Variants in AGBL1 observed in about 807,000 individuals in gnomAD.
The protein encoded by AGBL1 is AGBL carboxypeptidase 1, also known as cytosolic carboxypeptidase 4.
Under a neutral mutation model 118.9 loss-of-function variants are expected in AGBL1, and 130 were observed. The ratio of observed to expected loss-of-function variants is 1.09; its 90% CI spans 0.95 to 1.26. The LOEUF is 1.26. Among genes scored for constraint, AGBL1 ranks in the 50% most tolerant of loss-of-function variants. AGBL1 has a pLI of 0.00. For missense variants in AGBL1, 1,584 were observed against 1,298.1 expected (o/e 1.22, Z -3.38); for synonymous variants, 555 against 478.9 (o/e 1.16, Z -2.08).
At chr15:86,446,666 C>T (rs975152826) in intron 18 of AGBL1, among the ~76,000 whole-genome samples, 8 of 152,258 alleles carry the variant, frequency 5.3e-5, no homozygotes, top group East Asian at 3.9e-4. Flanking sequence ...GGATAGATTT[C>T]GACTCCCCTT....
chr15:87,022,956 A>C (rs1424063517), intron 24 of AGBL1, among the ~76,000 whole-genome samples: 1 of 152,060 alleles, frequency 6.6e-6, no homozygotes, highest in Non-Finnish European at 1.5e-5. Context: ...ACTGCTTTTC[A>C]AAAAGTGCTC....
At chr15:86,467,481 G>C (rs1430662337) in intron 18 of AGBL1, among the ~76,000 whole-genome samples, 1 of 152,184 alleles carries the variant, frequency 6.6e-6, no homozygotes, top group Admixed American at 6.5e-5. Context: ...GGCAGTGAAA[G>C]GTTCTCTCTC....
rs181209973 is a variant in AGBL1 at position 86,338,828 on chromosome 15, G to A, written c.2374+43420G>A. Among the ~76,000 whole-genome samples the A allele has an allele frequency of 3.5e-3, 539 of 152,230 alleles. 1 individual carries two copies. Among genetic ancestry groups the A allele is most frequent in the Non-Finnish European group, 5.7e-3 (388 of 68,016 alleles). Reference sequence around the variant, plus strand: ...CCATTGAAAAAGAGTCGTGAGAGTGGATCTCCTTGCTCTGCTCTCAATGCT... The same window carrying A: ...CCATTGAAAAAGAGTCGTGAGAGTGAATCTCCTTGCTCTGCTCTCAATGCT... On this transcript the variant is annotated intron_variant, in intron 17 of 22. Transcript: ENST00000614907.
At chr15:86,553,300 A>G (rs959369074) in intron 20 of AGBL1, among the ~76,000 whole-genome samples, 1 of 152,164 alleles carries the variant, frequency 6.6e-6, no homozygotes, top group Non-Finnish European at 1.5e-5. Flanking sequence ...ATCAACTCTG[A>G]GTCATTGTCC....
rs566435420 is a variant in AGBL1, at chr15:86,103,399, G to A, written c.51+23376G>A. 3.9e-5 allele frequency among the ~76,000 whole-genome samples: 6 copies of A among 152,056 alleles called. 1 individual carries two copies. The South Asian group carries it at 1.2e-3, about 32-fold the overall frequency. ...AGAGAATTATTATCTTTTTTTGGAGGTGTCGTGTTTCCTTGCTTTTTCATG... is the reference window on the plus strand; with the variant it reads ...AGAGAATTATTATCTTTTTTTGGAGATGTCGTGTTTCCTTGCTTTTTCATG... On this transcript the variant is annotated intron_variant, in intron 1 of 22. Transcript: ENST00000614907.
chr15:86,491,599 G>A (rs2082779817), intron 18 of AGBL1, among the ~76,000 whole-genome samples: 1 of 152,078 alleles, frequency 6.6e-6, no homozygotes, highest in Admixed American at 6.5e-5. Context: ...GACTAGATCT[G>A]TGACAGAAGG....
At chr15:86,636,343 CAAAG>C (rs1266850853) in intron 21 of AGBL1, among the ~76,000 whole-genome samples, 2 of 152,078 alleles carry the variant, frequency 1.3e-5, no homozygotes, top group East Asian at 1.9e-4. Context: ...GATGTCTAGT[CAAAG>C]AAGTCCATTT....
chr15:86,126,978 G>A (rs762938479), intron 1 of AGBL1, among the ~76,000 whole-genome samples: 6 of 152,158 alleles, frequency 3.9e-5, no homozygotes, highest in Non-Finnish European at 5.9e-5. Flanking sequence ...GGTCCAATGA[G>A]CTCATGATAT....
chr15:86,359,856 A>G (rs1385981628), intron 17 of AGBL1, among the ~76,000 whole-genome samples: 2 of 151,546 alleles, frequency 1.3e-5, no homozygotes, highest in East Asian at 3.9e-4. Flanking sequence ...CTTTTCAGAT[A>G]CTTTGTTTTT....
chr15:86,110,548 G>C (rs111491688), intron 1 of AGBL1, among the ~76,000 whole-genome samples: 3,429 of 152,192 alleles, frequency 0.023, 134 homozygotes, highest in African/African-American at 0.078. Context: ...TGCTGTCTCA[G>C]GGGTGGCAGA....
intron 21 of AGBL1, among the ~76,000 whole-genome samples, chr15:86,612,847 G>A (rs1262376762): frequency 6.6e-6 from 1 of 152,100 alleles, no homozygotes; most frequent in Non-Finnish European, 1.5e-5. Context: ...AAGAACCTTG[G>A]CTTCTGCAAT....
chr15:86,891,579 GA>G (rs11339441), intron 22 of AGBL1, among the ~76,000 whole-genome samples: 9,891 of 137,982 alleles, frequency 0.072, 375 homozygotes, highest in Middle Eastern at 0.1. Context: ...AAATAATGAG[GA>G]AAAAAAAAAA....
chr15:86,169,228 C>T (rs2077382444), intron 5 of AGBL1, among the ~76,000 whole-genome samples: 1 of 152,138 alleles, frequency 6.6e-6, no homozygotes, highest in African/African-American at 2.4e-5. Context: ...AAGAAAGCTG[C>T]ACAGAAGGAA....
At chr15:87,016,013 T>C (rs990528639) in intron 24 of AGBL1, among the ~76,000 whole-genome samples, 5 of 152,210 alleles carry the variant, frequency 3.3e-5, no homozygotes, top group Non-Finnish European at 7.3e-5. Flanking sequence ...CTTGATGTTA[T>C]CTGAGCTAAT....
chr15:86,875,550 C>A (rs1049160729), intron 22 of AGBL1, among the ~76,000 whole-genome samples: 4 of 152,220 alleles, frequency 2.6e-5, no homozygotes, highest in Non-Finnish European at 4.4e-5. Flanking sequence ...TTAATGCTTA[C>A]TGGCCTACAG....
At chr15:86,357,999 T>C (rs1005062079) in intron 17 of AGBL1, among the ~76,000 whole-genome samples, 1 of 152,118 alleles carries the variant, frequency 6.6e-6, no homozygotes, top group Non-Finnish European at 1.5e-5. Flanking sequence ...TTAATATATC[T>C]ATCACCTCAC....
At chr15:86,114,000 T>C (rs756107062) in intron 1 of AGBL1, among the ~76,000 whole-genome samples, 1 of 152,230 alleles carries the variant, frequency 6.6e-6, no homozygotes, top group African/African-American at 2.4e-5. Flanking sequence ...AAGAGCATTC[T>C]ACACATAAGT....
intron 1 of AGBL1, among the ~76,000 whole-genome samples, chr15:86,121,334 G>A (rs72750266): frequency 0.13 from 19,651 of 152,154 alleles, 1,421 homozygotes; most frequent in Middle Eastern, 0.21. Flanking sequence ...ATATTTTTCT[G>A]TGCCAAAAAT....
At chr15:86,717,143 A>T (rs2086650486) in intron 22 of AGBL1, among the ~76,000 whole-genome samples, 1 of 152,220 alleles carries the variant, frequency 6.6e-6, no homozygotes, top group South Asian at 2.1e-4. Context: ...GCAAAGATGA[A>T]AGAAGCCACA....
Sources: allele counts gnomAD v4.1 joint callset (sites outside exome capture counted in the v4.1 genomes callset), GRCh38; gene constraint gnomAD v4.1.1; transcripts MANE v1.5; gene names NCBI Gene and HGNC (gene_info 2026-07-23, HGNC 2026-07-21).